C8orf34: variants seen among roughly 807,000 people sequenced by gnomAD.
C8orf34 encodes chromosome 8 open reading frame 34, also known as uncharacterized protein C8orf34.
A neutral mutation model predicts 68.3 loss-of-function variants in C8orf34; 65 were observed. The ratio of observed to expected loss-of-function variants is 0.95; its 90% confidence interval spans 0.78 to 1.17. The LOEUF (loss-of-function observed/expected upper bound fraction) is 1.17, where lower values mean the gene tolerates loss of function less well. Among genes scored for constraint, C8orf34 ranks in the 50% most tolerant of loss-of-function variants. C8orf34 has a pLI of 0.00. For synonymous variants in C8orf34, 244 were observed against 241.2 expected, an observed-to-expected ratio of 1.01 and a Z score of -0.11; for missense variants, 664 against 655.4, an observed-to-expected ratio of 1.01 and a Z score of -0.14.
At chr8:68,349,507 ACT>A (rs34231877) in intron 1 of C8orf34, among the ~76,000 whole-genome samples, 61,654 of 151,126 alleles carry the variant, frequency 0.41, 12,691 homozygotes, top group Non-Finnish European at 0.45. Flanking sequence ...GTTGGGGAGG[ACT>A]CTCTCCTCCT....
chr8:68,685,749 G>A (rs752127768), intron 8 of C8orf34, among the ~76,000 whole-genome samples: 15 of 151,896 alleles, frequency 9.9e-5, no homozygotes, highest in Non-Finnish European at 1.3e-4. Flanking sequence ...GGACATATGT[G>A]CCTGTACTTC....
At chr8:68,407,223 T>A (rs933399091) in intron 1 of C8orf34, among the ~76,000 whole-genome samples, 3 of 152,066 alleles carry the variant, frequency 2.0e-5, no homozygotes, top group Non-Finnish European at 2.9e-5. Context: ...CTTTTTTTTT[T>A]ATCGTTATAA....
chr8:68,712,153 C>G (rs1475678229), intron 9 of C8orf34, among the ~76,000 whole-genome samples: 1 of 152,108 alleles, frequency 6.6e-6, no homozygotes, highest in Admixed American at 6.6e-5. Flanking sequence ...ATGTGTCACT[C>G]CCAAGTCAGC....
At chr8:68,493,809 C>T (rs1253861102) in intron 5 of C8orf34, among the ~76,000 whole-genome samples, 1 of 152,164 alleles carries the variant, frequency 6.6e-6, no homozygotes, top group Non-Finnish European at 1.5e-5. Flanking sequence ...GAGCATGTAG[C>T]AAGATGGCAC....
intron 8 of C8orf34, among the ~76,000 whole-genome samples, chr8:68,681,279 TAAAGTA>T (rs147887886): frequency 0.024 from 3,622 of 152,228 alleles, 141 homozygotes; most frequent in African/African-American, 0.083. Context: ...ATTAAGAGAT[TAAAGTA>T]AAACAGGCAT....
chr8:68,679,469 G>T (rs1484849510), intron 8 of C8orf34, among the ~76,000 whole-genome samples: 1 of 151,952 alleles, frequency 6.6e-6, no homozygotes, highest in Non-Finnish European at 1.5e-5. Context: ...TGGATTAGAA[G>T]AATCAAATTG....
intron 4 of C8orf34, among the ~76,000 whole-genome samples, chr8:68,478,738 AG>A (rs1266371779): frequency 3.3e-5 from 5 of 152,196 alleles, no homozygotes; most frequent in African/African-American, 1.2e-4. Flanking sequence ...ATGAAAGTGA[AG>A]GGGGATGAGC....
chr8:68,671,268 G>T (rs763316836), intron 8 of C8orf34, among the ~76,000 whole-genome samples: 1 of 152,088 alleles, frequency 6.6e-6, no homozygotes, highest in Non-Finnish European at 1.5e-5. Flanking sequence ...GTATTTTCAT[G>T]TTAAAGATGA....
At chr8:68,712,500 A>G (rs563584599) in intron 9 of C8orf34, among the ~76,000 whole-genome samples, 1 of 152,314 alleles carries the variant, frequency 6.6e-6, no homozygotes, top group East Asian at 1.9e-4. Flanking sequence ...AGAAAAAGGT[A>G]TTCCATGCAA....
intron 1 of C8orf34, among the ~76,000 whole-genome samples, chr8:68,434,969 A>T (rs1439469865): frequency 6.6e-6 from 1 of 151,906 alleles, no homozygotes; most frequent in East Asian, 1.9e-4. Flanking sequence ...GAATCACTTG[A>T]ACCCAGGAAG....
At chr8:68,385,894 T>C (rs1010679386) in intron 1 of C8orf34, among the ~76,000 whole-genome samples, 1 of 152,256 alleles carries the variant, frequency 6.6e-6, no homozygotes, top group Middle Eastern at 3.4e-3. Flanking sequence ...AAATCAGCTT[T>C]ATTTTACTTA....
At chr8:68,665,984 G>A (rs1390632416) in intron 8 of C8orf34, among the ~76,000 whole-genome samples, 3 of 152,202 alleles carry the variant, frequency 2.0e-5, no homozygotes, top group Non-Finnish European at 4.4e-5. Context: ...TTAATGGCAA[G>A]TGTATGAGGC....
intron 10 of C8orf34, among the ~76,000 whole-genome samples, chr8:68,764,286 A>T (rs866717193): frequency 2.0e-5 from 3 of 152,200 alleles, no homozygotes; most frequent in Non-Finnish European, 4.4e-5. Context: ...TCTAAATTTG[A>T]AACCGGCCTT....
chr8:68,619,290 C>A (rs992533764), intron 7 of C8orf34, among the ~76,000 whole-genome samples: 1 of 152,116 alleles, frequency 6.6e-6, no homozygotes, highest in Non-Finnish European at 1.5e-5. Context: ...CACGCCACTG[C>A]ACTCCAGCCT....
rs529202409 is a variant in C8orf34 at position 68,676,075 on chromosome 8, A to C, written c.1242-32919A>C. 1.8e-4 allele frequency among the ~76,000 whole-genome samples: 27 copies of C among 152,284 alleles called. 1 individual carries two copies. In the South Asian group the frequency reaches 3.5e-3, roughly 20 times the overall value. ...ACGCACCTGGCATGGCGGAGCATGC[A>C]TATAATCCCGGAACTTTGGGAGGCT... On this transcript the variant is annotated intron_variant, in intron 8 of 13. Coordinates refer to ENST00000518698, the MANE Select transcript of C8orf34 (RefSeq NM_052958.4).
intron 1 of C8orf34, among the ~76,000 whole-genome samples, chr8:68,347,305 T>A (rs971955479): frequency 3.3e-5 from 5 of 152,178 alleles, no homozygotes; most frequent in African/African-American, 1.2e-4. Context: ...ATTCTTTTCT[T>A]ACGGCTGCAT....
intron 7 of C8orf34, among the ~76,000 whole-genome samples, chr8:68,569,532 G>A (rs556629585): frequency 4.0e-5 from 6 of 151,734 alleles, no homozygotes; most frequent in African/African-American, 7.3e-5. Context: ...CAGGAGCTGC[G>A]TGGATCCCAG....
At chr8:68,664,403 T>C (rs1819775675) in intron 8 of C8orf34, among the ~76,000 whole-genome samples, 1 of 152,170 alleles carries the variant, frequency 6.6e-6, no homozygotes, top group Non-Finnish European at 1.5e-5. Flanking sequence ...TAGGCCTCCT[T>C]TTCACTGCCA....
chr8:68,468,975 T>C, intron 4 of C8orf34, among the ~76,000 whole-genome samples, 155 bp downstream of exon 4: 1 of 152,062 alleles, frequency 6.6e-6, no homozygotes, highest in Admixed American at 6.6e-5. Context: ...AGGAACTTGA[T>C]TTTGCATATT....
Sources: allele counts gnomAD v4.1 joint callset (sites outside exome capture counted in the v4.1 genomes callset), GRCh38; gene constraint gnomAD v4.1.1; transcripts MANE v1.5; gene names NCBI Gene and HGNC (gene_info 2026-07-23, HGNC 2026-07-21).